Variants in MANF observed in about 807,000 individuals in gnomAD.
MANF encodes mesencephalic astrocyte derived neurotrophic factor, also known as mesencephalic astrocyte-derived neurotrophic factor.
Under a neutral mutation model 19.1 loss-of-function variants are expected in MANF, and 9 were observed. That is an observed-to-expected ratio of 0.47 (90% CI 0.28 to 0.82). MANF has a LOEUF of 0.82. MANF is among the 40% of genes least tolerant of loss of function. The pLI is 0.10. For missense variants in MANF, 225 were observed against 226.7 expected, an observed-to-expected ratio of 0.99 and a Z score of 0.05; for synonymous variants, 89 against 88.0, an observed-to-expected ratio of 1.01 and a Z score of -0.06.
Position 51,389,116 on chromosome 3 carries a change from G to A in MANF, c.*27G>A, listed in dbSNP as rs782420943. 3.8e-6 allele frequency: 6 copies of A among 1,591,290 alleles called. No individual in the cohort carries two copies. The South Asian group carries it at 4.6e-5, about 12-fold the overall frequency. ...CTGCTCAATCTCTGTTGCACCTGAG[G>A]GGGAAAAAACAGTTCAACTGCTTAC... is the stretch of plus-strand genomic sequence containing the variant. On this transcript the variant is annotated 3_prime_UTR_variant, in exon 4 of 4. Coordinates refer to ENST00000528157, the MANE Select transcript of MANF (RefSeq NM_006010.6).
intron 1 of MANF, chr3:51,385,895 G>A (rs2088951398): frequency 3.1e-6 from 1 of 323,178 alleles, no homozygotes; most frequent in Admixed American, 4.6e-5. Flanking sequence ...CCATTTATGA[G>A]GTCACAGTGA....
In MANF at chr3:51,385,326, G is replaced by T. The variant is rs1398642703; in HGVS notation, c.-17G>T. 35 of 1,203,168 alleles carry T rather than the reference G, an allele frequency of 2.9e-5. No individual in the cohort carries two copies. Among genetic ancestry groups the T allele is most frequent in the Non-Finnish European group, 3.3e-5 (32 of 959,038 alleles). 74.5% of individuals were successfully genotyped at this position (1,203,168 alleles called of 1,614,324 possible). A position where few individuals can be genotyped will look rare whatever the true frequency, so the allele number is the denominator to read the frequency against. On this transcript the variant is annotated 5_prime_UTR_variant, in exon 1 of 4. It adds an upstream start codon to the 5' untranslated region. Transcript: ENST00000528157. ...CGGCGGCAGCGGAGGAGGAGGAGGA[G>T]GAGGAGGATGAGGAGGATGAGGAGG...
intron 2 of MANF, chr3:51,386,788 G>T: frequency 2.3e-6 from 1 of 442,492 alleles, no homozygotes; most frequent in South Asian, 1.6e-5. Context: ...GTGGACAGGA[G>T]AAGGTGACAG....
At chr3:51,387,089 A>C in intron 2 of MANF, 1 of 362,052 alleles carries the variant, frequency 2.8e-6, no homozygotes, top group South Asian at 2.0e-5. Context: ...TTGGGAGGCC[A>C]AGGTGGGAGG....
At chr3:51,385,619 G>A (rs1453748140) in intron 1 of MANF, 183 bp downstream of exon 1, 1 of 389,512 alleles carries the variant, frequency 2.6e-6, no homozygotes, top group East Asian at 3.7e-5. Context: ...AATCTTTCTT[G>A]GGCCTAGAAA....
Position 51,387,839 on chromosome 3 carries a change from C to T in MANF, c.325C>T (p.Leu109Phe). ...HIPVEKICEKLKKKDSQICEL... is the reference protein window; with the variant it reads ...HIPVEKICEKFKKKDSQICEL... ...CCCTGTGGAGAAGATCTGTGAGAAG[C>T]TTAAGAAGAAGGACAGCCAGATATG... Residue 109 changes from leucine (L) to phenylalanine (F), a missense_variant, in exon 3 of 4, where the codon CTT becomes TTT. Coordinates refer to ENST00000528157, the MANE Select transcript of MANF (RefSeq NM_006010.6). The T allele has an allele frequency of 6.2e-7, 1 of 1,613,766 alleles. No individual in the cohort carries two copies. The highest frequency in any genetic ancestry group is 8.5e-7 in the Non-Finnish European group (1 of 1,179,758).
In MANF at chr3:51,389,036, G is replaced by A. The variant is rs781925282; in HGVS notation, c.496G>A (p.Glu166Lys). The change falls in exon 4 of 4, where the codon GAA (glutamate) becomes AAA (lysine). Residue 166 changes from glutamate to lysine, a missense_variant. By Grantham distance (56) the Glu-to-Lys change is moderately conservative. Coordinates refer to ENST00000528157, the MANE Select transcript of MANF (RefSeq NM_006010.6). The stretch of plus-strand genomic sequence containing the variant: ...GTCTGACTACATCCGGAAGATAAAT[G>A]AACTGATGCCTAAATATGCCCCCAA... The part of the protein sequence containing the change: ...EKSDYIRKIN[E>K]LMPKYAPKAA... The A allele has an allele frequency of 3.7e-6, 6 of 1,612,472 alleles. No individual in the cohort carries two copies. The highest frequency in any genetic ancestry group is 4.2e-6 in the Non-Finnish European group (5 of 1,179,306).
Position 51,387,721 on chromosome 3 carries a change from TC to T in MANF, c.223-14del. ...CTCAAGCACCTCCTGAAGGCCATTG[TC>T]CTTTATTGCTCCAGTGCTACTATAT... On this transcript the variant is annotated splice_polypyrimidine_tract_variant and intron_variant, in intron 2 of 3. Coordinates refer to ENST00000528157, the MANE Select transcript of MANF (RefSeq NM_006010.6). 1 of 1,608,668 alleles carries T rather than the reference TC, an allele frequency of 6.2e-7. No individual in the cohort carries two copies.
chr3:51,387,620 C>T lies in MANF; in HGVS notation c.223-117C>T, dbSNP rs2088974827. 7 of 931,878 alleles carry T rather than the reference C, an allele frequency of 7.5e-6. No homozygotes were observed. In the South Asian group the frequency reaches 9.6e-5, roughly 13 times the overall value. The allele number at this position is 931,878 out of a possible 1,614,324, so 57.7% of individuals were successfully genotyped here. A position where few individuals can be genotyped will look rare whatever the true frequency, so the allele number is the denominator to read the frequency against. ...GCATTCCAGCCTGGGTGACAGGGAG[C>T]CCTATCTCAAAACACAAGTAAGGCC... On this transcript the variant is annotated intron_variant, in intron 2 of 3. Transcript: ENST00000528157.
chr3:51,386,125 T>C (rs541120143), intron 1 of MANF, 83 bp from the exon 2 acceptor site: 10 of 1,459,242 alleles, frequency 6.9e-6, no homozygotes, highest in Non-Finnish European at 7.6e-6. Context: ...GTGTCTCCTA[T>C]TAAAATTGCT....
At position 51,389,320 on chromosome 3, in the gene MANF, TAAAG is replaced by T. The variant is rs1350282581; in HGVS notation, c.*235_*238del. On this transcript the variant is annotated 3_prime_UTR_variant, in exon 4 of 4. Coordinates refer to ENST00000528157, the MANE Select transcript of MANF (RefSeq NM_006010.6). ...CAAAGTGTGTCTGGGATTTTTTTAT[TAAAG>T]AAAAAAAATTTCTAGCTGTCCTTGC... is the stretch of plus-strand genomic sequence containing the variant. The T allele has an allele frequency of 2.9e-5, 13 of 447,110 alleles. No homozygotes were observed. The highest frequency in any genetic ancestry group is 1.9e-4 in the African/African-American group (9 of 48,572). 27.7% of individuals were successfully genotyped at this position (447,110 alleles called of 1,614,324 possible). A position where few individuals can be genotyped will look rare whatever the true frequency, so the allele number is the denominator to read the frequency against.
chr3:51,387,963 A>G, intron 3 of MANF, 85 bp downstream of exon 3: 1 of 1,361,366 alleles, frequency 7.3e-7, no homozygotes, highest in Non-Finnish European at 1.0e-6. Context: ...GATGAGCTAG[A>G]GTCATGAGTG....
At position 51,389,363 on chromosome 3, in the gene MANF, A is replaced by G. The variant is rs1197303172; in HGVS notation, c.*274A>G. On this transcript the variant is annotated 3_prime_UTR_variant, in exon 4 of 4. Transcript: ENST00000528157. ...AGCTGTCCTTGCAGAATTATAGTGA[A>G]TACCAAAATGGGGTTTTGCCCCAGG... 4 of 375,030 alleles carry G rather than the reference A, an allele frequency of 1.1e-5. No individual in the cohort carries two copies. Among genetic ancestry groups the G allele is most frequent in the Non-Finnish European group, 1.9e-5 (4 of 211,030 alleles). The allele number at this position is 375,030 out of a possible 1,614,324, so 23.2% of individuals were successfully genotyped here.
At chr3:51,388,833 AC>A in intron 3 of MANF, 71 bp from the exon 4 acceptor site, 1 of 1,193,148 alleles carries the variant, frequency 8.4e-7, no homozygotes, top group Non-Finnish European at 1.2e-6. Context: ...TCAGGGAGTG[AC>A]ATACTCTGGG....
chr3:51,386,166 G>A (rs1553620859), intron 1 of MANF, 42 bp from the exon 2 acceptor site: 3 of 1,608,762 alleles, frequency 1.9e-6, no homozygotes, highest in East Asian at 2.2e-5. Context: ...GATTGGAACA[G>A]CTTGGTGATT....
At chr3:51,385,679 T>G (rs73837442) in intron 1 of MANF, 25,813 of 362,380 alleles carry the variant, frequency 0.071, 2,593 homozygotes, top group East Asian at 0.32. Context: ...TGAAAACTTG[T>G]CCTGAAATCT....
intron 3 of MANF, 32 bp downstream of exon 3, chr3:51,387,910 C>T: frequency 6.2e-7 from 1 of 1,607,628 alleles, no homozygotes; most frequent in Non-Finnish European, 8.5e-7. Context: ...TTAATGAATG[C>T]TGTGCACCTT....
rs375384796 is a variant in MANF at position 51,388,807 on chromosome 3, G to A, written c.365-98G>A. 13 of 821,262 alleles carry A rather than the reference G, an allele frequency of 1.6e-5. No individual in the cohort carries two copies. In the East Asian group the frequency reaches 3.0e-4, roughly 19 times the overall value. 50.9% of individuals were successfully genotyped at this position (821,262 alleles called of 1,614,324 possible). On this transcript the variant is annotated intron_variant, in intron 3 of 3. Coordinates refer to ENST00000528157, the MANE Select transcript of MANF (RefSeq NM_006010.6). ...AATGTCTCTTCCTCTGAAACCAGTA[G>A]GGCTGGTTTGGCCGTTCAGGGAGTG...
chr3:51,386,306 C>T lies in MANF; in HGVS notation c.193C>T (p.Arg65Trp), dbSNP rs2088961409. Residue 65 changes from arginine to tryptophan, a missense_variant, in exon 2 of 4, where the codon CGG becomes TGG. Transcript: ENST00000528157. ...TGAAAACGAACTTATAAAGTTCTGC[C>T]GGGAAGCAAGAGGCAAAGAGAATCG... ...TIENELIKFC[R>W]EARGKENRLC... 6.2e-7 allele frequency: 1 copy of T among 1,613,848 alleles called. No homozygotes were observed. Among genetic ancestry groups the T allele is most frequent in the East Asian group, 2.2e-5 (1 of 44,876 alleles).
Sources: gnomAD v4.1 joint callset for allele counts on GRCh38, gnomAD v4.1.1 for gene constraint, MANE v1.5 for transcripts, NCBI Gene and HGNC (gene_info 2026-07-23, HGNC 2026-07-21) for gene names.